The following FMNL3 variants were observed in gnomAD, a reference collection of about 807,000 sequenced individuals.
FMNL3 encodes the protein formin like 3.
Under a neutral mutation model 119.6 loss-of-function variants are expected in FMNL3, and 57 were observed. The observed-to-expected ratio is 0.48, with a 90% CI of 0.39 to 0.59. The LOEUF (loss-of-function observed/expected upper bound fraction) is 0.59. Ranked by LOEUF, FMNL3 falls within the 20% of genes least tolerant of loss-of-function variation. The pLI, the probability that FMNL3 is intolerant of heterozygous loss-of-function variation, is 0.00. For missense variants in FMNL3, 1,053 were observed against 1,323.5 expected, an observed-to-expected ratio of 0.80 and a Z score of 3.17; for synonymous variants, 491 against 507.3, an observed-to-expected ratio of 0.97 and a Z score of 0.43.
chr12:49,694,972 A>C lies in FMNL3; in HGVS notation c.126+12083T>G, dbSNP rs374046653. On this transcript the variant is annotated intron_variant, in intron 1 of 25. Coordinates refer to ENST00000335154, the MANE Select transcript of FMNL3 (RefSeq NM_175736.5). ...CCTTGATTTCTAGTGAAGTTAAAAA[A>C]CTTTTTCTATTATTTAACTTTTAAT... Among the ~76,000 whole-genome samples the C allele has an allele frequency of 4.6e-5, 7 of 152,060 alleles. No homozygotes were observed. In the East Asian group the frequency reaches 1.2e-3, roughly 25 times the overall value.
At chr12:49,669,601 G>C (rs1943987076) in intron 1 of FMNL3, among the ~76,000 whole-genome samples, 1 of 152,138 alleles carries the variant, frequency 6.6e-6, no homozygotes, top group South Asian at 2.1e-4. Flanking sequence ...GGAGGCCGAG[G>C]TGGGCGGATC....
intron 1 of FMNL3, among the ~76,000 whole-genome samples, chr12:49,698,387 T>C (rs538723285): frequency 5.9e-5 from 9 of 152,268 alleles, no homozygotes; most frequent in South Asian, 2.1e-4. Flanking sequence ...AAATCTGCCA[T>C]GTAAATAATT....
At chr12:49,664,727 C>A (rs138314567) in intron 4 of FMNL3, among the ~76,000 whole-genome samples, 361 of 152,324 alleles carry the variant, frequency 2.4e-3, no homozygotes, top group African/African-American at 7.7e-3. Context: ...GGCCAGGAAC[C>A]ATCCCTTTCC....
In FMNL3 at chr12:49,649,180, G is replaced by C. The variant is rs1160614497; in HGVS notation, c.2386-22C>G. On this transcript the variant is annotated intron_variant, in intron 20 of 25. Coordinates refer to ENST00000335154, the MANE Select transcript of FMNL3 (RefSeq NM_175736.5). This position sits in a 1 kb window ranked among gnomAD's most constrained non-coding sequence, Gnocchi z 5.6. ...GCAGCTAGGAGAGGGGGTGAGGGCG[G>C]TGCACAAGAGCTAAGCACTCTGGCT... The C allele has an allele frequency of 2.5e-6, 4 of 1,612,024 alleles. No homozygotes were observed. Among genetic ancestry groups the C allele is most frequent in the Non-Finnish European group, 3.4e-6 (4 of 1,178,886 alleles).
intron 1 of FMNL3, among the ~76,000 whole-genome samples, chr12:49,669,487 T>G (rs1943983289): frequency 1.3e-5 from 2 of 152,166 alleles, no homozygotes; most frequent in Admixed American, 6.5e-5. Context: ...AGTCAAACCT[T>G]TCTTCTCATC....
intron 4 of FMNL3, among the ~76,000 whole-genome samples, chr12:49,664,510 G>T (rs970811442): frequency 6.6e-6 from 1 of 152,150 alleles, no homozygotes. Context: ...TAGCACTCAG[G>T]GTTGCCATCG....
chr12:49,703,308 G>T lies in FMNL3; in HGVS notation c.126+3747C>A, dbSNP rs1349525343. On this transcript the variant is annotated intron_variant, in intron 1 of 25. Coordinates refer to ENST00000335154, the MANE Select transcript of FMNL3 (RefSeq NM_175736.5). ...CTAGCTTCTGAGCAACTGAGTTTGG[G>T]TAGTAATCTAGTTTGGACCAAAACA... is the stretch of plus-strand genomic sequence containing the variant. Among the ~76,000 whole-genome samples, 5 of 152,280 alleles carry T rather than the reference G, an allele frequency of 3.3e-5. No individual in the cohort carries two copies. The South Asian group carries it at 6.2e-4, about 19-fold the overall frequency.
chr12:49,668,630 C>G, intron 1 of FMNL3, 76 bp from the exon 2 acceptor site: 1 of 1,297,758 alleles, frequency 7.7e-7, no homozygotes, highest in Non-Finnish European at 1.1e-6. Context: ...CTGCCCACAC[C>G]TTTCTGCTAC....
intron 1 of FMNL3, among the ~76,000 whole-genome samples, chr12:49,686,471 G>A (rs1469633328): frequency 2.6e-5 from 4 of 151,368 alleles, no homozygotes; most frequent in African/African-American, 7.3e-5. Flanking sequence ...CCAGCTACTT[G>A]GGAGGCTGAG....
At chr12:49,691,654 C>T (rs931899534) in intron 1 of FMNL3, among the ~76,000 whole-genome samples, 1 of 152,174 alleles carries the variant, frequency 6.6e-6, no homozygotes, top group African/African-American at 2.4e-5. Flanking sequence ...CAGTTGCTGA[C>T]CCCACTGGTG....
Position 49,652,133 on chromosome 12 carries a change from C to A in FMNL3, c.1403G>T (p.Arg468Leu), listed in dbSNP as rs771868042. 3 of 1,613,180 alleles carry A rather than the reference C, an allele frequency of 1.9e-6. No homozygotes were observed. The highest frequency in any genetic ancestry group is 2.2e-5 in the South Asian group (2 of 90,750). Reference sequence around the variant, plus strand: ...CCGGACATTTGGCTCCAAATGACATCGACGCTGAAAGGCCTCCTCCTTCTC... The same window carrying A: ...CCGGACATTTGGCTCCAAATGACATAGACGCTGAAAGGCCTCCTCCTTCTC... ...IKEKEEAFQR[R>L]CHLEPNVRGL... The change falls in exon 14 of 26, where the codon CGA (arginine) becomes CTA (leucine). Residue 468 changes from arginine (R) to leucine (L), a missense_variant. By Grantham distance (102) the Arg-to-Leu change is moderately radical. Around this residue, in one of 4 missense-constraint regions of FMNL3, gnomAD observed 445 missense variants for 628.4 expected, o/e 0.71. Transcript: ENST00000335154.
At chr12:49,650,006 A>G in intron 17 of FMNL3, 81 bp from the exon 18 acceptor site, 1 of 1,259,790 alleles carries the variant, frequency 7.9e-7, no homozygotes. Context: ...AAGCTCCTAG[A>G]AGAACTGGAC....
intron 1 of FMNL3, among the ~76,000 whole-genome samples, chr12:49,701,762 A>G (rs1675193181): frequency 6.6e-6 from 1 of 152,110 alleles, no homozygotes; most frequent in Non-Finnish European, 1.5e-5. Flanking sequence ...CGTCTCTACT[A>G]AAAACACAAA....
chr12:49,641,873 T>A lies in FMNL3; in HGVS notation c.*3942A>T. ...CCTGCCAGCTTTGGCCTCAGGCACG[T>A]GGTGCCCCTGCTTCATGCACTGCTG... On this transcript the variant is annotated 3_prime_UTR_variant, in exon 26 of 26. Transcript: ENST00000335154. The A allele has an allele frequency of 6.3e-7, 1 of 1,588,948 alleles. No individual in the cohort carries two copies. Among genetic ancestry groups the A allele is most frequent in the Non-Finnish European group, 8.6e-7 (1 of 1,160,000 alleles).
In FMNL3 at chr12:49,637,645, C is replaced by T. The variant is rs200247987; in HGVS notation, c.*8170G>A. ...TTCCTGCCCTGCCAGCCTCTCTGCACCCCCTACTACCGGCTCCTGTCCTCG... is the reference window on the plus strand; with the variant it reads ...TTCCTGCCCTGCCAGCCTCTCTGCATCCCCTACTACCGGCTCCTGTCCTCG... On this transcript the variant is annotated 3_prime_UTR_variant, in exon 26 of 26. Transcript: ENST00000335154. The T allele has an allele frequency of 7.3e-4, 1,138 of 1,566,380 alleles. No homozygotes were observed. Among genetic ancestry groups the T allele is most frequent in the Non-Finnish European group, 9.6e-4 (1,099 of 1,140,368 alleles).
At position 49,637,921 on chromosome 12, in the gene FMNL3, C is replaced by A; in HGVS notation, c.*7894G>T. ...TAAGTCCTGTTTTGCAGAAGCATTA[C>A]AGCTTGGTTCAGCAGATATCTACTG... is the stretch of plus-strand genomic sequence containing the variant. On this transcript the variant is annotated 3_prime_UTR_variant, in exon 26 of 26. Transcript: ENST00000335154. 1 of 939,700 alleles carries A rather than the reference C, an allele frequency of 1.1e-6. No homozygotes were observed. Among genetic ancestry groups the A allele is most frequent in the Non-Finnish European group, 1.7e-6 (1 of 596,450 alleles). 58.2% of individuals were successfully genotyped at this position (939,700 alleles called of 1,614,324 possible). A position where few individuals can be genotyped will look rare whatever the true frequency, so the allele number is the denominator to read the frequency against.
intron 1 of FMNL3, among the ~76,000 whole-genome samples, chr12:49,704,028 A>C (rs908343061): frequency 1.3e-5 from 2 of 152,176 alleles, no homozygotes; most frequent in Admixed American, 6.5e-5. Flanking sequence ...CACTGCTGAG[A>C]GGTACAAACT....
Position 49,642,211 on chromosome 12 carries a change from G to C in FMNL3, c.*3604C>G. 1 of 1,614,092 alleles carries C rather than the reference G, an allele frequency of 6.2e-7. No individual in the cohort carries two copies. The highest frequency in any genetic ancestry group is 8.5e-7 in the Non-Finnish European group (1 of 1,179,994). On this transcript the variant is annotated 3_prime_UTR_variant, in exon 26 of 26. Coordinates refer to ENST00000335154, the MANE Select transcript of FMNL3 (RefSeq NM_175736.5). The surrounding 1 kb of genome is among the most constrained non-coding windows in gnomAD (Gnocchi z 5.8). ...GGCATCCACCCTCCTGGGTGACCCTGTTCCGTGTCCCTTCTTTCCTCAGCT... is the reference window on the plus strand; with the variant it reads ...GGCATCCACCCTCCTGGGTGACCCTCTTCCGTGTCCCTTCTTTCCTCAGCT...
chr12:49,659,803 A>AG (rs2138807723), intron 5 of FMNL3: 1 of 985,418 alleles, frequency 1.0e-6, no homozygotes, highest in East Asian at 1.1e-4. Flanking sequence ...TCCTCACTTC[A>AG]GGATATACCC....
Sources: gnomAD v4.1 joint callset for allele counts (sites outside exome capture counted in the v4.1 genomes callset) on GRCh38, gnomAD v4.1.1 for gene constraint, gnomAD v4.1.1 regional missense constraint, Gnocchi (gnomAD v3.1) non-coding constraint, MANE v1.5 for transcripts, NCBI Gene and HGNC (gene_info 2026-07-23, HGNC 2026-07-21) for gene names.